Variants in GRIK2 observed in about 807,000 individuals in gnomAD.
GRIK2 encodes the protein glutamate ionotropic receptor kainate type subunit 2.
A neutral mutation model predicts 100.3 loss-of-function variants in GRIK2; 32 were observed. That is an observed-to-expected ratio of 0.32 (90% CI 0.24 to 0.43). The LOEUF (loss-of-function observed/expected upper bound fraction) is 0.43, where lower values mean the gene tolerates loss of function less well. GRIK2 is among the 20% of genes least tolerant of loss of function. GRIK2 has a pLI of 1.00. For synonymous variants in GRIK2, 417 were observed against 389.4 expected, an observed-to-expected ratio of 1.07 and a Z score of -0.83; for missense variants, 843 against 1,114.9, an observed-to-expected ratio of 0.76 and a Z score of 3.47.
intron 2 of GRIK2, among the ~76,000 whole-genome samples, chr6:101,426,864 C>A (rs1325840337): frequency 6.6e-6 from 1 of 152,126 alleles, no homozygotes; most frequent in South Asian, 2.1e-4. Context: ...CCTACATAAT[C>A]AGATTTTTAA....
intron 2 of GRIK2, among the ~76,000 whole-genome samples, chr6:101,610,813 GC>G (rs1339951232): frequency 6.6e-6 from 1 of 151,658 alleles, no homozygotes; most frequent in Non-Finnish European, 1.5e-5. Flanking sequence ...TTAAGCACAT[GC>G]TTTTTACCTT....
chr6:101,585,805 C>T (rs906593524), intron 2 of GRIK2, among the ~76,000 whole-genome samples: 4 of 151,962 alleles, frequency 2.6e-5, no homozygotes, highest in Admixed American at 2.6e-4. Flanking sequence ...AAGTTTGAGG[C>T]AGCTACAGTG....
chr6:101,663,891 A>G (rs981994213), intron 4 of GRIK2, among the ~76,000 whole-genome samples: 2 of 151,944 alleles, frequency 1.3e-5, no homozygotes, highest in African/African-American at 2.4e-5. Flanking sequence ...GCAACTCTCT[A>G]CTCCCACCAA....
Position 101,823,872 on chromosome 6 carries a change from T to TTG in GRIK2, c.1317+5390_1317+5391insGT, listed in dbSNP as rs1174633650. On this transcript the variant is annotated intron_variant, in intron 10 of 16. Coordinates refer to ENST00000369134, the MANE Select transcript of GRIK2 (RefSeq NM_021956.5). ...ACATGAGTAAGTTCTGTTTTTTTTTTTTTGTTTTTTTTTTTGATGGAGTCT... is the reference window on the plus strand; with the variant it reads ...ACATGAGTAAGTTCTGTTTTTTTTTTTGTTTGTTTTTTTTTTTGATGGAGTCT... 9.7e-4 allele frequency among the ~76,000 whole-genome samples: 146 copies of TTG among 150,898 alleles called. 1 individual carries two copies. The highest frequency in any genetic ancestry group is 5.7e-3 in the East Asian group (29 of 5,072).
At chr6:101,572,171 A>G (rs1259989927) in intron 2 of GRIK2, among the ~76,000 whole-genome samples, 1 of 152,154 alleles carries the variant, frequency 6.6e-6, no homozygotes, top group Non-Finnish European at 1.5e-5. Flanking sequence ...AAATTCTTAC[A>G]CAGATATTAG....
At chr6:101,634,173 A>T (rs1780898434) in intron 4 of GRIK2, among the ~76,000 whole-genome samples, 1 of 152,138 alleles carries the variant, frequency 6.6e-6, no homozygotes, top group Non-Finnish European at 1.5e-5. Flanking sequence ...AAAAGAGATG[A>T]CAGTTTCAAT....
intron 2 of GRIK2, among the ~76,000 whole-genome samples, chr6:101,563,356 A>G (rs1314527334): frequency 6.6e-6 from 1 of 152,224 alleles, no homozygotes; most frequent in Non-Finnish European, 1.5e-5. Flanking sequence ...CATAGTTTTA[A>G]TCATAAATGA....
chr6:101,760,600 A>AAT (rs1777524006), intron 7 of GRIK2, among the ~76,000 whole-genome samples: 4 of 97,960 alleles, frequency 4.1e-5, no homozygotes, highest in African/African-American at 1.7e-4. Context: ...ATATATAATT[A>AAT]TATATAATTA....
At position 101,801,466 on chromosome 6, in the gene GRIK2, C is replaced by T. The variant is rs1780664168; in HGVS notation, c.1096-865C>T. Among the ~76,000 whole-genome samples, 3 of 151,864 alleles carry T rather than the reference C, an allele frequency of 2.0e-5. No individual in the cohort carries two copies. The South Asian group carries it at 6.2e-4, about 32-fold the overall frequency. ...AGTATCCAAATATCATATGGAGCCT[C>T]AGAAATTTAGTAATATTAATTTCAA... On this transcript the variant is annotated intron_variant, in intron 8 of 16. Coordinates refer to ENST00000369134, the MANE Select transcript of GRIK2 (RefSeq NM_021956.5).
At chr6:101,978,599 A>G (rs889925937) in intron 14 of GRIK2, among the ~76,000 whole-genome samples, 1 of 151,982 alleles carries the variant, frequency 6.6e-6, no homozygotes, top group Non-Finnish European at 1.5e-5. Context: ...TCTGACAGAA[A>G]GAAGTTAGAA....
intron 2 of GRIK2, among the ~76,000 whole-genome samples, chr6:101,559,892 T>C (rs1417347304): frequency 6.6e-6 from 1 of 152,102 alleles, no homozygotes; most frequent in Non-Finnish European, 1.5e-5. Context: ...TGTGGGGTGA[T>C]ATGATGATAG....
chr6:101,745,142 T>C (rs577383250), intron 7 of GRIK2: 1 of 152,314 alleles, frequency 6.6e-6, no homozygotes, highest in East Asian at 1.9e-4. Context: ...ATCTTAACAT[T>C]CTTCATGGAG....
Position 101,515,086 on chromosome 6 carries a change from T to C in GRIK2, c.116-106863T>C, listed in dbSNP as rs547548245. On this transcript the variant is annotated intron_variant, in intron 2 of 16. Transcript: ENST00000369134. ...CGCCAAGTCCCCAGAGTCCACTGTA[T>C]CATTGTTATGCCTTTGCATCCTCAT... Among the ~76,000 whole-genome samples, 3 of 152,214 alleles carry C rather than the reference T, an allele frequency of 2.0e-5. 1 individual carries two copies. The South Asian group carries it at 6.2e-4, about 32-fold the overall frequency.
intron 8 of GRIK2, among the ~76,000 whole-genome samples, chr6:101,800,399 T>G (rs1192343323): frequency 6.6e-6 from 1 of 151,950 alleles, no homozygotes; most frequent in Non-Finnish European, 1.5e-5. Flanking sequence ...CATGCATATA[T>G]ATACAAATAT....
chr6:101,788,658 C>T (rs963340417), intron 7 of GRIK2, among the ~76,000 whole-genome samples: 2 of 152,152 alleles, frequency 1.3e-5, no homozygotes, highest in Admixed American at 1.3e-4. Flanking sequence ...GTGAATAGTG[C>T]TGCAATAAAC....
chr6:101,446,904 T>C (rs1467939298), intron 2 of GRIK2, among the ~76,000 whole-genome samples: 1 of 149,552 alleles, frequency 6.7e-6, no homozygotes, highest in African/African-American at 2.4e-5. Flanking sequence ...ACATATTGAG[T>C]GTGGAAAATA....
In GRIK2 at chr6:101,693,475, G is replaced by T. The variant is rs116599189; in HGVS notation, c.951+7122G>T. ...TTTACCTGTCTTAGGTTTGTTCATT[G>T]TCTGGGACCTCTGACAGAAGACAGA... On this transcript the variant is annotated intron_variant, in intron 7 of 16. Transcript: ENST00000369134. Among the ~76,000 whole-genome samples, 700 of 151,550 alleles carry T rather than the reference G, an allele frequency of 4.6e-3. 6 individuals are homozygous for T. The highest frequency in any genetic ancestry group is 0.016 in the African/African-American group (672 of 41,362).
chr6:101,639,598 G>GCATACATACATA (rs3056158), intron 4 of GRIK2, among the ~76,000 whole-genome samples: 4 of 150,990 alleles, frequency 2.6e-5, no homozygotes, highest in East Asian at 3.9e-4. Context: ...CTCAATACAT[G>GCATACATACATA]CATACATACA....
At chr6:101,877,263 G>A (rs747701971) in intron 11 of GRIK2, among the ~76,000 whole-genome samples, 23 of 151,864 alleles carry the variant, frequency 1.5e-4, no homozygotes, top group Non-Finnish European at 2.9e-4. Context: ...TTATCCTTGG[G>A]TTCCAGATTC....
Sources: gnomAD v4.1 joint callset for allele counts (sites outside exome capture counted in the v4.1 genomes callset) on GRCh38, gnomAD v4.1.1 for gene constraint, MANE v1.5 for transcripts, NCBI Gene and HGNC (gene_info 2026-07-23, HGNC 2026-07-21) for gene names.